TASOR: variants seen among roughly 807,000 people sequenced by gnomAD.
The protein encoded by TASOR is protein TASOR.
TASOR carries 53 observed loss-of-function variants against 178.6 expected under a neutral mutation model. The observed-to-expected ratio is 0.30, with a 90% confidence interval of 0.24 to 0.37. The LOEUF (loss-of-function observed/expected upper bound fraction) is 0.37. Among genes scored for constraint, TASOR ranks in the 10% least tolerant of loss-of-function variants. The probability of loss-of-function intolerance (pLI) is 1.00; values close to 1 mark genes in which losing one functional copy is unlikely to be tolerated. For missense variants in TASOR, 1,815 were observed against 1,971.4 expected, an observed-to-expected ratio of 0.92 and a Z score of 1.50; for synonymous variants, 713 against 696.2, an observed-to-expected ratio of 1.02 and a Z score of -0.38.
Position 56,633,855 on chromosome 3 carries a change from G to C in TASOR, c.2936C>G (p.Ser979Cys), listed in dbSNP as rs202105898. The change falls in exon 18 of 24, where the codon TCT (serine) becomes TGT (cysteine). Residue 979 changes from serine (S) to cysteine (C), a missense_variant. This residue lies in a region of TASOR where 655 missense variants were observed against 671.1 expected (regional missense o/e 0.98). Coordinates refer to ENST00000683822, the MANE Select transcript of TASOR (RefSeq NM_001365635.2). The stretch of plus-strand genomic sequence containing the variant: ...GCCCTTTAGTGTGTCTGTAAATGGA[G>C]AGGATGGAAACTGGTAATCAGAACT... ...QRSSDYQFPS[S>C]PFTDTLKGTT... 4 of 1,613,438 alleles carry C rather than the reference G, an allele frequency of 2.5e-6. No individual in the cohort carries two copies. Among genetic ancestry groups the C allele is most frequent in the East Asian group, 2.2e-5 (1 of 44,860 alleles).
intron 1 of TASOR, among the ~76,000 whole-genome samples, chr3:56,677,315 T>C (rs1048851507): frequency 1.3e-5 from 2 of 152,246 alleles, no homozygotes; most frequent in East Asian, 1.9e-4. Context: ...ATTATCCATT[T>C]CACTCAGGGA....
intron 7 of TASOR, among the ~76,000 whole-genome samples, chr3:56,665,875 G>C (rs1175274664): frequency 1.3e-5 from 2 of 152,090 alleles, no homozygotes; most frequent in Non-Finnish European, 2.9e-5. Flanking sequence ...GGGAGGCTGA[G>C]GCAGAATGGC....
intron 1 of TASOR, among the ~76,000 whole-genome samples, chr3:56,681,963 GT>G (rs916609545): frequency 2.0e-5 from 3 of 152,052 alleles, no homozygotes; most frequent in African/African-American, 7.2e-5. Flanking sequence ...CTTCTCATTA[GT>G]TTTTTTCCAT....
chr3:56,683,059 T>C lies in TASOR; in HGVS notation c.-53A>G. 1 of 1,435,500 alleles carries C rather than the reference T, an allele frequency of 7.0e-7. No individual in the cohort carries two copies. The allele number at this position is 1,435,500 out of a possible 1,614,324, so 88.9% of individuals were successfully genotyped here. The stretch of plus-strand genomic sequence containing the variant: ...CTTCTGCCCACAAGGTCGACGGGTG[T>C]GGGGGGAAGGGGCGGCGGGCCAGTC... On this transcript the variant is annotated 5_prime_UTR_variant, in exon 1 of 24. Coordinates refer to ENST00000683822, the MANE Select transcript of TASOR (RefSeq NM_001365635.2).
At position 56,660,943 on chromosome 3, in the gene TASOR, T is replaced by A. The variant is rs771825114; in HGVS notation, c.1235A>T (p.Tyr412Phe). 4 of 1,612,162 alleles carry A rather than the reference T, an allele frequency of 2.5e-6. No homozygotes were observed. The Admixed American group carries it at 5.0e-5, about 20-fold the overall frequency. The change falls in exon 10 of 24, where the codon TAT (tyrosine) becomes TTT (phenylalanine). Residue 412 changes from tyrosine to phenylalanine, a missense_variant. Physicochemically the swap from Tyr to Phe is conservative, Grantham distance 22. Transcript: ENST00000683822. ...ATTTGGACCTAAGTATGTTTCCTTA[T>A]AAAACAGTGCTGGAGGGATTTTCTG... ...LKQKIPPALF[Y>F]KETYLGPNEV...
chr3:56,662,530 G>A, intron 8 of TASOR, 40 bp from the exon 9 acceptor site: 1 of 1,047,142 alleles, frequency 9.5e-7, no homozygotes, highest in Non-Finnish European at 1.4e-6. Context: ...TAGTCACTTG[G>A]CAGCCCAGAG....
intron 1 of TASOR, among the ~76,000 whole-genome samples, chr3:56,674,216 A>AG (rs1176422723): frequency 7.3e-4 from 110 of 151,356 alleles, no homozygotes; most frequent in Middle Eastern, 3.4e-3. Flanking sequence ...AAAAAAAAAA[A>AG]AAAAAAAAGC....
chr3:56,630,419 A>G (rs2076884348), intron 18 of TASOR, among the ~76,000 whole-genome samples: 1 of 152,230 alleles, frequency 6.6e-6, no homozygotes. Flanking sequence ...TAAAGTTTCA[A>G]TCTGGTTTTC....
At position 56,641,607 on chromosome 3, in the gene TASOR, T is replaced by C; in HGVS notation, c.2361A>G (p.Ala787=). 6.2e-7 allele frequency: 1 copy of C among 1,614,158 alleles called. No homozygotes were observed. Among genetic ancestry groups the C allele is most frequent in the Non-Finnish European group, 8.5e-7 (1 of 1,180,028 alleles). The change falls in exon 15 of 24, where the codon GCA becomes GCG. Residue 787 remains alanine (A), a synonymous_variant. Transcript: ENST00000683822. ...CTTTGTTGACTGTGTCTGTCAGAGA[T>C]GCATCAGAATGGCGCGCATTTGCTA... The part of the protein sequence containing the change: ...ETLANARHSD[A]SLTDTVNKAL...
chr3:56,641,336 G>A lies in TASOR; in HGVS notation c.2619+13C>T. The A allele has an allele frequency of 1.3e-6, 2 of 1,576,642 alleles. No individual in the cohort carries two copies. Among genetic ancestry groups the A allele is most frequent in the South Asian group, 1.1e-5 (1 of 87,446 alleles). On this transcript the variant is annotated intron_variant, in intron 15 of 23. Coordinates refer to ENST00000683822, the MANE Select transcript of TASOR (RefSeq NM_001365635.2). ...CTCACAAACACAAAGGTAACCAACA[G>A]CTATATGCTTACTTCTTTCAAATGT...
chr3:56,646,883 T>C lies in TASOR; in HGVS notation c.1854A>G (p.Lys618=), dbSNP rs755163894. 2 of 1,606,682 alleles carry C rather than the reference T, an allele frequency of 1.2e-6. No individual in the cohort carries two copies. The change falls in exon 14 of 24, where the codon AAA becomes AAG. Residue 618 remains lysine (K), a synonymous_variant. Coordinates refer to ENST00000683822, the MANE Select transcript of TASOR (RefSeq NM_001365635.2). Reference sequence around the variant, plus strand: ...TATTTTCTTCAAATAGTTCTTTTAATTTACAAATAGGTAACTGATACACTT... The same window carrying C: ...TATTTTCTTCAAATAGTTCTTTTAACTTACAAATAGGTAACTGATACACTT... ...RPEVYQLPIC[K]LKELFEENRK...
chr3:56,676,531 G>A (rs2031313855), intron 1 of TASOR, among the ~76,000 whole-genome samples: 1 of 152,098 alleles, frequency 6.6e-6, no homozygotes, highest in South Asian at 2.1e-4. Flanking sequence ...CAACCAAAGT[G>A]GGCCAAGCAT....
Position 56,666,404 on chromosome 3 carries a change from A to C in TASOR, c.898-20T>G. On this transcript the variant is annotated intron_variant, in intron 6 of 23. Transcript: ENST00000683822. ...ATAATACTAAAAATAAGAAAATGAA[A>C]AATTAACTTCTTTAAAAAGGCAAGG... is the stretch of plus-strand genomic sequence containing the variant. 6.9e-7 allele frequency: 1 copy of C among 1,452,798 alleles called. No homozygotes were observed. Among genetic ancestry groups the C allele is most frequent in the South Asian group, 1.5e-5 (1 of 64,690 alleles). The allele number at this position is 1,452,798 out of a possible 1,614,324, so 90.0% of individuals were successfully genotyped here.
intron 11 of TASOR, among the ~76,000 whole-genome samples, chr3:56,655,270 C>T (rs78638441): frequency 0.023 from 3,542 of 152,194 alleles, 69 homozygotes; most frequent in South Asian, 0.04. Flanking sequence ...TAGTACAGAT[C>T]CTAGACTGCA....
rs1248235813 is a variant in TASOR, at chr3:56,646,551, T to C, written c.2186A>G (p.Asn729Ser). ...ENMRKLAKTS[N>S]LSENCHLYEE... ...ATACAGATGGCAATTTTCAGATAAA[T>C]TACTGGTTTTGGCGAGCTTTCTCAT... Residue 729 changes from asparagine to serine, a missense_variant, in exon 14 of 24, where the codon AAT becomes AGT. Asn to Ser is a conservative substitution (Grantham distance 46, BLOSUM62 1). Coordinates refer to ENST00000683822, the MANE Select transcript of TASOR (RefSeq NM_001365635.2). The C allele has an allele frequency of 1.9e-6, 3 of 1,605,582 alleles. No homozygotes were observed. Among genetic ancestry groups the C allele is most frequent in the East Asian group, 2.2e-5 (1 of 44,854 alleles).
intron 11 of TASOR, among the ~76,000 whole-genome samples, chr3:56,653,262 CAAAAAAAAAAAAAA>C (rs1176419181): frequency 2.0e-4 from 1 of 4,962 alleles, no homozygotes; most frequent in Non-Finnish European, 4.0e-4. Context: ...GACTCCATCT[CAAAAAAAAAAAAAA>C]AAAAAAAAAA....
Position 56,668,487 on chromosome 3 carries a change from C to T in TASOR, c.807G>A (p.Leu269=), listed in dbSNP as rs930300030. 7 of 1,551,416 alleles carry T rather than the reference C, an allele frequency of 4.5e-6. No individual in the cohort carries two copies. The African/African-American group carries it at 9.6e-5, about 21-fold the overall frequency. ...GACATTCATGCTTTGGTGTGGGGTC[C>T]AAAGCACTCTTATTTAACATAGATT... is the stretch of plus-strand genomic sequence containing the variant. ...SLESMLNKSA[L]DPTPKHECHV... is the part of the protein sequence containing the mutation. Residue 269 remains leucine, a synonymous_variant, in exon 6 of 24, where the codon TTG becomes TTA. Coordinates refer to ENST00000683822, the MANE Select transcript of TASOR (RefSeq NM_001365635.2).
In TASOR at chr3:56,647,327, C is replaced by T. The variant is rs777599435; in HGVS notation, c.1514-104G>A. On this transcript the variant is annotated intron_variant, in intron 13 of 23. Coordinates refer to ENST00000683822, the MANE Select transcript of TASOR (RefSeq NM_001365635.2). ...CCAAAGAAGTATAAAAACATTTATA[C>T]ATTAATGTTGAACCAGACGAGTATG... The T allele has an allele frequency of 5.4e-5, 49 of 899,852 alleles. No individual in the cohort carries two copies. The South Asian group carries it at 9.5e-4, about 17-fold the overall frequency. The allele number at this position is 899,852 out of a possible 1,614,324, so 55.7% of individuals were successfully genotyped here.
At chr3:56,641,062 A>G (rs1466974624) in intron 15 of TASOR, among the ~76,000 whole-genome samples, 1 of 152,204 alleles carries the variant, frequency 6.6e-6, no homozygotes, top group Non-Finnish European at 1.5e-5. Context: ...ATTAACTCCC[A>G]ATAAGCCATT....
Sources: gnomAD v4.1 joint callset for allele counts (sites outside exome capture counted in the v4.1 genomes callset) on GRCh38, gnomAD v4.1.1 for gene constraint, gnomAD v4.1.1 regional missense constraint, MANE v1.5 for transcripts, NCBI Gene and HGNC (gene_info 2026-07-23, HGNC 2026-07-21) for gene names.